MGMT: variants seen among roughly 807,000 people sequenced by gnomAD.
The protein encoded by MGMT is O-6-methylguanine-DNA methyltransferase.
A neutral mutation model predicts 15.9 loss-of-function variants in MGMT; 14 were observed. That is an observed-to-expected ratio of 0.88 (90% CI 0.58 to 1.37). MGMT has a LOEUF of 1.37. Among genes scored for constraint, MGMT ranks in the 40% most tolerant of loss-of-function variants. The pLI is 0.00. For synonymous variants in MGMT, 130 were observed against 118.2 expected, an observed-to-expected ratio of 1.10 and a Z score of -0.65; for missense variants, 282 against 268.1, an observed-to-expected ratio of 1.05 and a Z score of -0.36.
At chr10:129,593,882 G>A (rs1357956106) in intron 2 of MGMT, among the ~76,000 whole-genome samples, 1 of 152,244 alleles carries the variant, frequency 6.6e-6, no homozygotes, top group Non-Finnish European at 1.5e-5. Context: ...AATGTCGGCA[G>A]AGAAGGTGGG....
At chr10:129,548,746 G>T (rs1026796747) in intron 2 of MGMT, among the ~76,000 whole-genome samples, 3 of 152,164 alleles carry the variant, frequency 2.0e-5, no homozygotes, top group African/African-American at 7.2e-5. Flanking sequence ...GCTTTCGGGG[G>T]GGTGCTGGGG....
intron 3 of MGMT, among the ~76,000 whole-genome samples, chr10:129,751,697 A>G (rs1848752207): frequency 6.6e-6 from 1 of 151,880 alleles, no homozygotes; most frequent in Non-Finnish European, 1.5e-5. Context: ...AAATTTTAAT[A>G]TGCTTTATTT....
chr10:129,542,969 A>G (rs191914938), intron 2 of MGMT, among the ~76,000 whole-genome samples: 32 of 152,292 alleles, frequency 2.1e-4, no homozygotes, highest in African/African-American at 7.5e-4. Flanking sequence ...CCCCATGCTA[A>G]ACATTTATAG....
Position 129,759,402 on chromosome 10 carries a change from C to T in MGMT, c.414+61C>T. The T allele has an allele frequency of 2.5e-6, 4 of 1,608,278 alleles. No homozygotes were observed. The South Asian group carries it at 3.3e-5, about 13-fold the overall frequency. ...CGGGTGCGTGCAGGTGGCAGGGTGT[C>T]ATCTGATCCCACGTGTTTCCTCGGA... On this transcript the variant is annotated intron_variant, in intron 4 of 4. Coordinates refer to ENST00000651593, the MANE Select transcript of MGMT (RefSeq NM_002412.5).
At chr10:129,471,573 G>A (rs74162157) in intron 1 of MGMT, among the ~76,000 whole-genome samples, 4,249 of 152,088 alleles carry the variant, frequency 0.028, 201 homozygotes, top group African/African-American at 0.095. Context: ...TGAACCTGTT[G>A]CTCTCCGTAA....
chr10:129,741,461 G>C (rs1434990903), intron 3 of MGMT, among the ~76,000 whole-genome samples: 1 of 152,234 alleles, frequency 6.6e-6, no homozygotes, highest in Non-Finnish European at 1.5e-5. Context: ...TGGGAAAGGA[G>C]GCTGGGAGGT....
At chr10:129,540,027 T>C (rs1386146779) in intron 2 of MGMT, among the ~76,000 whole-genome samples, 1 of 152,216 alleles carries the variant, frequency 6.6e-6, no homozygotes, top group African/African-American at 2.4e-5. Context: ...GTTCAGTTCT[T>C]GGCTTTGACT....
At chr10:129,559,031 A>G (rs1056571369) in intron 2 of MGMT, among the ~76,000 whole-genome samples, 10 of 152,170 alleles carry the variant, frequency 6.6e-5, no homozygotes, top group Admixed American at 6.5e-4. Context: ...TGCAGCAGCT[A>G]GGTGATGTCC....
chr10:129,646,374 T>A (rs570114419), intron 2 of MGMT, among the ~76,000 whole-genome samples: 1 of 152,230 alleles, frequency 6.6e-6, no homozygotes, highest in African/African-American at 2.4e-5. Context: ...GACTTTACTG[T>A]CACCCTTGTT....
intron 3 of MGMT, among the ~76,000 whole-genome samples, chr10:129,734,541 A>C (rs1419325255): frequency 1.3e-5 from 2 of 151,936 alleles, no homozygotes; most frequent in Non-Finnish European, 2.9e-5. Context: ...TCCTAATTGA[A>C]TACCCTTTAT....
intron 2 of MGMT, among the ~76,000 whole-genome samples, chr10:129,650,261 G>T (rs140021989): frequency 6.6e-6 from 1 of 152,252 alleles, no homozygotes; most frequent in Non-Finnish European, 1.5e-5. Flanking sequence ...TGCTTTGCAC[G>T]TTCGTAATTG....
intron 2 of MGMT, among the ~76,000 whole-genome samples, chr10:129,619,407 G>C (rs1174106137): frequency 1.3e-5 from 2 of 152,054 alleles, no homozygotes; most frequent in African/African-American, 2.4e-5. Context: ...TACAAATAAT[G>C]CTGGTTATAT....
At chr10:129,634,819 G>A (rs1847247760) in intron 2 of MGMT, among the ~76,000 whole-genome samples, 1 of 152,106 alleles carries the variant, frequency 6.6e-6, no homozygotes, top group African/African-American at 2.4e-5. Flanking sequence ...ATTGACTGGT[G>A]TATTTCTTCG....
intron 2 of MGMT, among the ~76,000 whole-genome samples, chr10:129,646,754 ATT>A (rs1554873525): frequency 1.2e-5 from 1 of 86,678 alleles, no homozygotes; most frequent in Non-Finnish European, 2.6e-5. Flanking sequence ...ATATATATAT[ATT>A]TTCAGGGAAT....
intron 1 of MGMT, among the ~76,000 whole-genome samples, chr10:129,471,678 T>TCGATTG (rs920601387): frequency 1.2e-4 from 19 of 152,108 alleles, no homozygotes; most frequent in African/African-American, 4.6e-4. Context: ...GAGAGGTCTC[T>TCGATTG]CGATTGCAGG....
chr10:129,534,827 C>G (rs1262738695), intron 1 of MGMT, among the ~76,000 whole-genome samples: 1 of 151,842 alleles, frequency 6.6e-6, no homozygotes, highest in East Asian at 2.0e-4. Flanking sequence ...AGCTGCCCTT[C>G]CAGGGGTCAG....
chr10:129,645,840 C>G (rs1847382554), intron 2 of MGMT, among the ~76,000 whole-genome samples: 1 of 152,190 alleles, frequency 6.6e-6, no homozygotes, highest in African/African-American at 2.4e-5. Flanking sequence ...TGAAGGTACT[C>G]TAGCATCCAT....
At chr10:129,651,208 C>T (rs951588677) in intron 2 of MGMT, among the ~76,000 whole-genome samples, 1 of 152,180 alleles carries the variant, frequency 6.6e-6, no homozygotes, top group African/African-American at 2.4e-5. Flanking sequence ...GGCTCCTGCC[C>T]CGTAGCTCAG....
At chr10:129,712,264 G>A (rs1848241275) in intron 3 of MGMT, among the ~76,000 whole-genome samples, 1 of 152,194 alleles carries the variant, frequency 6.6e-6, no homozygotes, top group Non-Finnish European at 1.5e-5. Flanking sequence ...GCCTAGCTGG[G>A]ACCCCAGCCT....
Sources: allele counts gnomAD v4.1 joint callset (sites outside exome capture counted in the v4.1 genomes callset), GRCh38; gene constraint gnomAD v4.1.1; transcripts MANE v1.5; gene names NCBI Gene and HGNC (gene_info 2026-07-23, HGNC 2026-07-21).